Variants in IFTAP observed in about 807,000 individuals in gnomAD.
IFTAP encodes the protein intraflagellar transport-associated protein.
IFTAP carries 19 observed loss-of-function variants against 19.4 expected under a neutral mutation model. The observed-to-expected ratio is 0.98, with a 90% CI of 0.68 to 1.44. IFTAP has a LOEUF of 1.44. IFTAP is among the 40% of genes most tolerant of loss of function. The probability of loss-of-function intolerance (pLI) is 0.00; values close to 1 mark genes in which losing one functional copy is unlikely to be tolerated. For missense variants in IFTAP, 240 were observed against 253.6 expected, an observed-to-expected ratio of 0.95 and a Z score of 0.36; for synonymous variants, 85 against 83.5, an observed-to-expected ratio of 1.02 and a Z score of -0.10.
intron 5 of IFTAP, among the ~76,000 whole-genome samples, chr11:36,654,763 A>G (rs1324705247): frequency 1.3e-5 from 2 of 151,584 alleles, no homozygotes; most frequent in Non-Finnish European, 2.9e-5. Context: ...TTACATTTCC[A>G]TATCCAGTCA....
rs560230969 is a variant in IFTAP at position 36,638,040 on chromosome 11, C to G, written c.358+1923C>G. On this transcript the variant is annotated intron_variant, in intron 4 of 5. Coordinates refer to ENST00000334307, the MANE Select transcript of IFTAP (RefSeq NM_138787.4). Reference sequence around the variant, plus strand: ...GGATTACAGGTGCATGCTGCCATGCCTGGCTAATTTTTATGTATTTTAGTA... The same window carrying G: ...GGATTACAGGTGCATGCTGCCATGCGTGGCTAATTTTTATGTATTTTAGTA... 1.6e-4 allele frequency among the ~76,000 whole-genome samples: 24 copies of G among 152,084 alleles called. 1 individual carries two copies. Among genetic ancestry groups the G allele is most frequent in the Non-Finnish European group, 3.1e-4 (21 of 67,994 alleles).
intron 4 of IFTAP, among the ~76,000 whole-genome samples, chr11:36,642,584 T>G (rs1457929410): frequency 2.0e-5 from 3 of 152,104 alleles, no homozygotes; most frequent in Non-Finnish European, 4.4e-5. Flanking sequence ...ATATCCCTCA[T>G]GAACATCGAT....
chr11:36,653,709 C>G (rs1853842008), intron 5 of IFTAP, among the ~76,000 whole-genome samples: 1 of 152,178 alleles, frequency 6.6e-6, no homozygotes, highest in South Asian at 2.1e-4. Flanking sequence ...CCTGGGCTCA[C>G]TTTGAATTAC....
In IFTAP at chr11:36,596,769, A is replaced by G. The variant is rs751746816; in HGVS notation, c.-24+2177A>G. ...ATTCCAGATCCAAAGGGATTTTTCA[A>G]GAACAGTTGTTTTAAAGCAATGTTT... On this transcript the variant is annotated intron_variant, in intron 1 of 5. Coordinates refer to ENST00000334307, the MANE Select transcript of IFTAP (RefSeq NM_138787.4). Among the ~76,000 whole-genome samples, 7 of 152,328 alleles carry G rather than the reference A, an allele frequency of 4.6e-5. No homozygotes were observed. The South Asian group carries it at 1.0e-3, about 23-fold the overall frequency.
At chr11:36,613,005 T>C (rs1405929933) in intron 2 of IFTAP, among the ~76,000 whole-genome samples, 1 of 152,096 alleles carries the variant, frequency 6.6e-6, no homozygotes, top group Non-Finnish European at 1.5e-5. Context: ...GTGGTACATG[T>C]TTGATAGTAA....
At chr11:36,657,416 G>A (rs570545580) in intron 5 of IFTAP, among the ~76,000 whole-genome samples, 1 of 152,160 alleles carries the variant, frequency 6.6e-6, no homozygotes, top group African/African-American at 2.4e-5. Flanking sequence ...CTTGCAGGCT[G>A]ATTTGCTTTT....
chr11:36,643,387 T>C (rs1376307584), intron 4 of IFTAP, among the ~76,000 whole-genome samples: 1 of 152,120 alleles, frequency 6.6e-6, no homozygotes, highest in African/African-American at 2.4e-5. Context: ...TGCTCAAGGA[T>C]AGGAAGAATC....
intron 2 of IFTAP, among the ~76,000 whole-genome samples, chr11:36,621,041 T>C (rs187314048): frequency 1.4e-3 from 220 of 152,168 alleles, no homozygotes; most frequent in Non-Finnish European, 9.1e-4. Context: ...TCATTATCAA[T>C]CTTTAAATAG....
chr11:36,622,226 T>C (rs1852322893), intron 2 of IFTAP, among the ~76,000 whole-genome samples: 1 of 151,992 alleles, frequency 6.6e-6, no homozygotes, highest in Non-Finnish European at 1.5e-5. Context: ...CTTACAAATG[T>C]GTTCAGCAGA....
At position 36,607,761 on chromosome 11, in the gene IFTAP, C is replaced by T. The variant is rs568447861; in HGVS notation, c.-23-2320C>T. Among the ~76,000 whole-genome samples, 4 of 152,172 alleles carry T rather than the reference C, an allele frequency of 2.6e-5. No homozygotes were observed. In the South Asian group the frequency reaches 8.3e-4, roughly 32 times the overall value. ...TGATCTGGGCTCATCGCAACCTCTG[C>T]CTCCCAGGTTCAAGCGATTCTCCTG... On this transcript the variant is annotated intron_variant, in intron 1 of 5. Coordinates refer to ENST00000334307, the MANE Select transcript of IFTAP (RefSeq NM_138787.4).
At chr11:36,605,578 A>G (rs1851666374) in intron 1 of IFTAP, among the ~76,000 whole-genome samples, 1 of 152,184 alleles carries the variant, frequency 6.6e-6, no homozygotes, top group East Asian at 1.9e-4. Flanking sequence ...GATAGCAGAA[A>G]ACAAGACTTA....
intron 3 of IFTAP, among the ~76,000 whole-genome samples, 163 bp from the exon 4 acceptor site, chr11:36,635,888 A>C (rs1852928385): frequency 6.6e-6 from 1 of 152,224 alleles, no homozygotes; most frequent in South Asian, 2.1e-4. Flanking sequence ...TCTCTTGGGA[A>C]AGCACAGTGA....
chr11:36,619,781 G>A (rs1852228284), intron 2 of IFTAP, among the ~76,000 whole-genome samples: 1 of 151,970 alleles, frequency 6.6e-6, no homozygotes, highest in Non-Finnish European at 1.5e-5. Context: ...TGAATATTGA[G>A]TGGTGTTTTT....
intron 2 of IFTAP, among the ~76,000 whole-genome samples, chr11:36,629,037 T>C (rs1852629524): frequency 1.3e-5 from 2 of 151,432 alleles, no homozygotes; most frequent in Admixed American, 1.3e-4. Flanking sequence ...TCTTTGGATT[T>C]ATTCTGATTT....
chr11:36,616,391 T>C (rs1322591245), intron 2 of IFTAP, among the ~76,000 whole-genome samples: 2 of 152,026 alleles, frequency 1.3e-5, no homozygotes, highest in African/African-American at 4.8e-5. Context: ...TTTTAACATA[T>C]CTTTGAAAAA....
rs116576675 is a variant in IFTAP, at chr11:36,621,695, C to G, written c.136+11456C>G. On this transcript the variant is annotated intron_variant, in intron 2 of 5. Transcript: ENST00000334307. ...GTCATTTCAGTATTGATGATTCCTT[C>G]TGTGTTTTAAGCATTGAGCTAGAAT... Among the ~76,000 whole-genome samples, 1,228 of 152,006 alleles carry G rather than the reference C, an allele frequency of 8.1e-3. 12 individuals are homozygous for G. Among genetic ancestry groups the G allele is most frequent in the African/African-American group, 0.028 (1,162 of 41,470 alleles).
At chr11:36,596,228 T>G (rs891851021) in intron 1 of IFTAP, among the ~76,000 whole-genome samples, 3 of 150,836 alleles carry the variant, frequency 2.0e-5, no homozygotes, top group Non-Finnish European at 3.0e-5. Context: ...TTTTGTTTTT[T>G]TTTTTTTTTG....
At chr11:36,605,036 G>A (rs1157858269) in intron 1 of IFTAP, among the ~76,000 whole-genome samples, 1 of 151,252 alleles carries the variant, frequency 6.6e-6, no homozygotes, top group African/African-American at 2.4e-5. Context: ...CAGTTAGAGT[G>A]CAGTTTGGTC....
intron 2 of IFTAP, among the ~76,000 whole-genome samples, chr11:36,632,300 T>C (rs917497901): frequency 3.3e-5 from 5 of 151,150 alleles, no homozygotes; most frequent in Non-Finnish European, 5.9e-5. Context: ...AAAAATAATG[T>C]TATGGCTTAA....
Sources: gnomAD v4.1 joint callset for allele counts (sites outside exome capture counted in the v4.1 genomes callset) on GRCh38, gnomAD v4.1.1 for gene constraint, MANE v1.5 for transcripts, NCBI Gene and HGNC (gene_info 2026-07-23, HGNC 2026-07-21) for gene names.